The following TBC1D22A variants were observed in gnomAD, a reference collection of about 807,000 sequenced individuals.
The protein encoded by TBC1D22A is TBC1 domain family member 22A.
In TBC1D22A, 38 loss-of-function variants were observed where a neutral mutation model predicts 60.2. That is an observed-to-expected ratio of 0.63 (90% CI 0.49 to 0.83). TBC1D22A has a LOEUF of 0.83. Among genes scored for constraint, TBC1D22A ranks in the 40% least tolerant of loss-of-function variants. The probability of loss-of-function intolerance (pLI) is 0.00; values close to 1 mark genes in which losing one functional copy is unlikely to be tolerated. For synonymous variants in TBC1D22A, 302 were observed against 281.7 expected (o/e 1.07, Z -0.72); for missense variants, 628 against 701.0 (o/e 0.90, Z 1.18).
chr22:46,908,933 C>T (rs1009603018), intron 7 of TBC1D22A, among the ~76,000 whole-genome samples: 10 of 152,244 alleles, frequency 6.6e-5, no homozygotes, highest in Admixed American at 2.0e-4. Context: ...TTCAGAGATG[C>T]GGGCCTCATG....
At chr22:46,974,214 C>T (rs1026529312) in intron 8 of TBC1D22A, 76 bp from the exon 9 acceptor site, 79 of 1,259,736 alleles carry the variant, frequency 6.3e-5, no homozygotes, top group Non-Finnish European at 8.0e-5. Flanking sequence ...AGCTCTGTTC[C>T]TCCGTGGGCC....
chr22:46,766,143 G>T (rs375516257), intron 1 of TBC1D22A, among the ~76,000 whole-genome samples: 75 of 151,998 alleles, frequency 4.9e-4, no homozygotes, highest in African/African-American at 1.8e-3. Context: ...GACTACAGGC[G>T]CCTGCCACCA....
At chr22:47,097,348 A>G (rs1317232126) in intron 11 of TBC1D22A, among the ~76,000 whole-genome samples, 2 of 152,096 alleles carry the variant, frequency 1.3e-5, no homozygotes, top group African/African-American at 2.4e-5. Flanking sequence ...GGGCACGGTG[A>G]CTCATGCCTG....
intron 6 of TBC1D22A, 63 bp from the exon 7 acceptor site, chr22:46,894,721 A>G (rs1323300819): frequency 8.2e-6 from 13 of 1,593,230 alleles, no homozygotes; most frequent in Non-Finnish European, 1.1e-5. Context: ...TGTTTTAATC[A>G]TATCGCTCGT....
intron 11 of TBC1D22A, among the ~76,000 whole-genome samples, chr22:47,065,135 A>G (rs942743481): frequency 6.6e-6 from 1 of 152,136 alleles, no homozygotes; most frequent in Non-Finnish European, 1.5e-5. Context: ...AGCTGGGATT[A>G]CAGGTGCGTG....
At chr22:47,140,762 G>C (rs1181258353) in intron 12 of TBC1D22A, among the ~76,000 whole-genome samples, 1 of 152,186 alleles carries the variant, frequency 6.6e-6, no homozygotes, top group African/African-American at 2.4e-5. Context: ...CTGGGGCTCA[G>C]TTGCTGCCCT....
chr22:47,081,476 T>G (rs1173555648), intron 11 of TBC1D22A, among the ~76,000 whole-genome samples: 2 of 152,176 alleles, frequency 1.3e-5, no homozygotes, highest in Admixed American at 1.3e-4. Context: ...AGTATTGCTC[T>G]GGGGAGTTTA....
intron 10 of TBC1D22A, among the ~76,000 whole-genome samples, chr22:47,008,237 A>G (rs6008020): frequency 0.041 from 6,242 of 152,214 alleles, 397 homozygotes; most frequent in African/African-American, 0.14. Flanking sequence ...GATCCTTCCA[A>G]TGTTTGTTAT....
chr22:46,805,433 A>G (rs895070718), intron 4 of TBC1D22A, among the ~76,000 whole-genome samples: 3 of 152,258 alleles, frequency 2.0e-5, no homozygotes, highest in Admixed American at 2.0e-4. Context: ...GCCTGGAGGC[A>G]GGTAGCTGTT....
intron 12 of TBC1D22A, among the ~76,000 whole-genome samples, chr22:47,118,143 A>C (rs2066137143): frequency 6.6e-6 from 1 of 152,140 alleles, no homozygotes; most frequent in Non-Finnish European, 1.5e-5. Flanking sequence ...CATAAAAAAT[A>C]AGGTGGATTG....
At chr22:47,116,193 C>G (rs548035457) in intron 12 of TBC1D22A, 1 of 152,392 alleles carries the variant, frequency 6.6e-6, no homozygotes, top group East Asian at 1.9e-4. Context: ...CAGGAGTGCC[C>G]ACCAGAAGTG....
At chr22:46,773,965 T>G (rs551737816) in intron 1 of TBC1D22A, 43 of 985,516 alleles carry the variant, frequency 4.4e-5, no homozygotes, top group Middle Eastern at 5.2e-4. Flanking sequence ...CTCATCCTTA[T>G]CTCCTCCATT....
intron 4 of TBC1D22A, among the ~76,000 whole-genome samples, chr22:46,818,286 C>G (rs938266532): frequency 6.6e-6 from 1 of 152,170 alleles, no homozygotes; most frequent in African/African-American, 2.4e-5. Context: ...GCTTATGTTG[C>G]AGTTGCTTTT....
chr22:47,096,836 T>A (rs573350087), intron 11 of TBC1D22A, among the ~76,000 whole-genome samples: 10 of 152,050 alleles, frequency 6.6e-5, no homozygotes, highest in Non-Finnish European at 1.5e-4. Flanking sequence ...AAAATAAAAA[T>A]AAATAAATAA....
At chr22:47,092,452 G>T (rs907181684) in intron 11 of TBC1D22A, among the ~76,000 whole-genome samples, 1 of 152,168 alleles carries the variant, frequency 6.6e-6, no homozygotes, top group African/African-American at 2.4e-5. Context: ...AGGAGAGAGT[G>T]AACGAGGATG....
intron 9 of TBC1D22A, among the ~76,000 whole-genome samples, chr22:46,979,820 G>A (rs1438206095): frequency 6.6e-6 from 1 of 152,134 alleles, no homozygotes. Flanking sequence ...ATGCCTTCAT[G>A]TTACTATGAC....
At chr22:47,126,643 AGT>A (rs1451182256) in intron 12 of TBC1D22A, among the ~76,000 whole-genome samples, 1 of 152,190 alleles carries the variant, frequency 6.6e-6, no homozygotes, top group East Asian at 1.9e-4. Context: ...TGGAAACAGG[AGT>A]GAGCATTAGG....
chr22:47,156,302 G>A lies in TBC1D22A; in HGVS notation c.1426-17196G>A, dbSNP rs1280687002. Among the ~76,000 whole-genome samples, 5 of 152,178 alleles carry A rather than the reference G, an allele frequency of 3.3e-5. No individual in the cohort carries two copies. In the South Asian group the frequency reaches 6.2e-4, roughly 19 times the overall value. On this transcript the variant is annotated intron_variant, in intron 12 of 12. Coordinates refer to ENST00000337137, the MANE Select transcript of TBC1D22A (RefSeq NM_014346.5). ...CATTCTAAGTTTCAGGGCCAAGTAG[G>A]GACACATTTAGTGGGGACAGCCCCT... is the stretch of plus-strand genomic sequence containing the variant.
At chr22:47,008,936 TTTTGG>T (rs367696411) in intron 10 of TBC1D22A, among the ~76,000 whole-genome samples, 7 of 152,106 alleles carry the variant, frequency 4.6e-5, no homozygotes, top group African/African-American at 1.7e-4. Context: ...CAATGGGAGA[TTTTGG>T]TTTGGGGACT....
Sources: gnomAD v4.1 joint callset for allele counts (sites outside exome capture counted in the v4.1 genomes callset) on GRCh38, gnomAD v4.1.1 for gene constraint, MANE v1.5 for transcripts, NCBI Gene and HGNC (gene_info 2026-07-23, HGNC 2026-07-21) for gene names.